Variants in SLC25A48 observed in about 807,000 individuals in gnomAD.
The protein encoded by SLC25A48 is CTC-321K16.1.
Under a neutral mutation model 32.2 loss-of-function variants are expected in SLC25A48, and 29 were observed. The observed-to-expected ratio is 0.90, with a 90% CI of 0.67 to 1.23. The LOEUF (loss-of-function observed/expected upper bound fraction) is 1.23, where lower values mean the gene tolerates loss of function less well. Ranked by LOEUF, SLC25A48 falls within the 50% of genes most tolerant of loss-of-function variation. SLC25A48 has a pLI of 0.00. For missense variants in SLC25A48, 399 were observed against 422.7 expected, an observed-to-expected ratio of 0.94 and a Z score of 0.49; for synonymous variants, 164 against 172.3, an observed-to-expected ratio of 0.95 and a Z score of 0.38.
intron 3 of SLC25A48, among the ~76,000 whole-genome samples, chr5:135,703,918 T>C (rs1754450664): frequency 6.6e-6 from 1 of 152,254 alleles, no homozygotes; most frequent in Non-Finnish European, 1.5e-5. Flanking sequence ...CACAGAGTCA[T>C]GAGCACCCTC....
intron 3 of SLC25A48, among the ~76,000 whole-genome samples, chr5:135,694,120 G>A (rs1214636406): frequency 6.6e-6 from 1 of 152,190 alleles, no homozygotes; most frequent in African/African-American, 2.4e-5. Flanking sequence ...ACAGCCACAC[G>A]GTGGGCAGGA....
Position 135,802,483 on chromosome 5 carries a change from T to G in SLC25A48, c.-520-10040T>G, listed in dbSNP as rs571681718. Among the ~76,000 whole-genome samples the G allele has an allele frequency of 2.0e-5, 3 of 151,714 alleles. No individual in the cohort carries two copies. In the South Asian group the frequency reaches 6.2e-4, roughly 32 times the overall value. On this transcript the variant is annotated intron_variant, in intron 3 of 10. Transcript: ENST00000646290. ...TATCACAGTGGGTGTACACCATATA[T>G]GTACACTTTTTGACATTATTTCTAG...
chr5:135,615,322 C>CA (rs1295902319), intron 1 of SLC25A48, among the ~76,000 whole-genome samples: 1 of 152,168 alleles, frequency 6.6e-6, no homozygotes, highest in African/African-American at 2.4e-5. Flanking sequence ...GGACAGTGAA[C>CA]ACCGGGCTGA....
At chr5:135,613,710 GTGTATGCCCTTGGCACCT>G (rs1204144321) in intron 1 of SLC25A48, among the ~76,000 whole-genome samples, 2 of 152,138 alleles carry the variant, frequency 1.3e-5, no homozygotes, top group African/African-American at 4.8e-5. Context: ...CCTTTCCCCA[GTGTATGCCCTTGGCACCT>G]TTGTTGAAAA....
intron 3 of SLC25A48, among the ~76,000 whole-genome samples, chr5:135,654,696 TCAGTTGACTTTA>T (rs2126928988): frequency 6.6e-6 from 1 of 152,356 alleles, no homozygotes; most frequent in African/African-American, 2.4e-5. Flanking sequence ...ACATCTGCAG[TCAGTTGACTTTA>T]CATAAAGGAG....
In SLC25A48 at chr5:135,852,767, C is replaced by G. The variant is rs376094750; in HGVS notation, c.367C>G (p.Pro123Ala). The change falls in exon 4 of 8, where the codon CCC (proline) becomes GCC (alanine). Residue 123 changes from proline to alanine, a missense_variant. Transcript: ENST00000681962. ...AGVVSVGLGG[P>A]VDLIKIRLQM... ...CGTGGTCTCTGTCGGGCTGGGAGGG[C>G]CCGTGGACCTCATCAAGATCCGGTT... 1.2e-6 allele frequency: 2 copies of G among 1,613,804 alleles called. No individual in the cohort carries two copies. The highest frequency in any genetic ancestry group is 2.7e-5 in the African/African-American group (2 of 75,038).
chr5:135,758,797 T>C (rs1375578449), intron 3 of SLC25A48, among the ~76,000 whole-genome samples: 3 of 150,754 alleles, frequency 2.0e-5, no homozygotes, highest in African/African-American at 7.3e-5. Flanking sequence ...ATCTGTGCTA[T>C]GAATAATATC....
intron 3 of SLC25A48, among the ~76,000 whole-genome samples, chr5:135,803,923 G>C (rs1580898167): frequency 6.6e-6 from 1 of 151,766 alleles, no homozygotes; most frequent in Middle Eastern, 3.4e-3. Context: ...CTCACAGTGA[G>C]TGCACACGCT....
At chr5:135,706,061 C>A (rs1371337518) in intron 3 of SLC25A48, among the ~76,000 whole-genome samples, 1 of 152,226 alleles carries the variant, frequency 6.6e-6, no homozygotes, top group Admixed American at 6.5e-5. Flanking sequence ...CCAACCCTTT[C>A]TTTTCAAAGA....
chr5:135,861,580 A>G (rs1760801146), intron 4 of SLC25A48, among the ~76,000 whole-genome samples: 2 of 152,246 alleles, frequency 1.3e-5, no homozygotes, highest in Admixed American at 1.3e-4. Flanking sequence ...AATGTGAAAT[A>G]AATGTTAATT....
At chr5:135,798,170 C>A (rs1474984208) in intron 3 of SLC25A48, among the ~76,000 whole-genome samples, 3 of 151,722 alleles carry the variant, frequency 2.0e-5, no homozygotes, top group African/African-American at 4.8e-5. Flanking sequence ...AGGGGCTGTA[C>A]ACCTCTCCTG....
intron 2 of SLC25A48, among the ~76,000 whole-genome samples, chr5:135,633,546 A>G (rs561058127): frequency 2.0e-5 from 3 of 152,062 alleles, no homozygotes; most frequent in Admixed American, 6.5e-5. Context: ...CCCCTCCAGA[A>G]CCATGCTGTC....
intron 1 of SLC25A48, among the ~76,000 whole-genome samples, chr5:135,839,388 T>G (rs1392953658): frequency 2.6e-5 from 4 of 152,218 alleles, no homozygotes; most frequent in African/African-American, 9.6e-5. Context: ...CAGACTTGCA[T>G]GGAGCCTGTA....
chr5:135,625,530 C>G (rs1053231468), intron 1 of SLC25A48, among the ~76,000 whole-genome samples: 1 of 152,148 alleles, frequency 6.6e-6, no homozygotes, highest in African/African-American at 2.4e-5. Context: ...ATGTGGCCCT[C>G]TGGGTAGAAG....
intron 4 of SLC25A48, among the ~76,000 whole-genome samples, chr5:135,827,741 C>T (rs1280833834): frequency 2.0e-5 from 3 of 151,938 alleles, no homozygotes; most frequent in Admixed American, 6.5e-5. Flanking sequence ...GAGCTGGCAT[C>T]TGTGGGCCCT....
At chr5:135,630,276 A>G (rs1752526144) in intron 2 of SLC25A48, among the ~76,000 whole-genome samples, 1 of 152,136 alleles carries the variant, frequency 6.6e-6, no homozygotes, top group Non-Finnish European at 1.5e-5. Context: ...CTGTAATCCC[A>G]GGAGGCCTCC....
intron 3 of SLC25A48, among the ~76,000 whole-genome samples, chr5:135,762,087 G>GCTGTTCTGTAGAAATGTA (rs1374254816): frequency 6.6e-6 from 1 of 152,218 alleles, no homozygotes; most frequent in Non-Finnish European, 1.5e-5. Context: ...GTAGAAATGT[G>GCTGTTCTGTAGAAATGTA]CTGTTCTGTA....
intron 3 of SLC25A48, among the ~76,000 whole-genome samples, chr5:135,738,806 G>A (rs566311312): frequency 5.3e-5 from 8 of 152,312 alleles, no homozygotes; most frequent in African/African-American, 1.7e-4. Flanking sequence ...TGGTGGCCAG[G>A]TGCAGTGGCT....
At chr5:135,851,942 C>T (rs1354102941) in intron 3 of SLC25A48, among the ~76,000 whole-genome samples, 1 of 152,190 alleles carries the variant, frequency 6.6e-6, no homozygotes, top group Non-Finnish European at 1.5e-5. Flanking sequence ...TGTCAGAAGA[C>T]ACCCATGCTC....
Sources: allele counts gnomAD v4.1 joint callset (sites outside exome capture counted in the v4.1 genomes callset), GRCh38; gene constraint gnomAD v4.1.1; transcripts MANE v1.5; gene names NCBI Gene and HGNC (gene_info 2026-07-23, HGNC 2026-07-21).